The following LRMDA variants were observed in gnomAD, a reference collection of about 807,000 sequenced individuals.
LRMDA encodes leucine-rich melanocyte differentiation-associated protein.
A neutral mutation model predicts 29.8 loss-of-function variants in LRMDA; 18 were observed. The observed-to-expected ratio is 0.60, with a 90% CI of 0.42 to 0.90. The LOEUF (loss-of-function observed/expected upper bound fraction) is 0.90, where lower values mean the gene tolerates loss of function less well. Among genes scored for constraint, LRMDA ranks in the 40% least tolerant of loss-of-function variants. The pLI, the probability that LRMDA is intolerant of heterozygous loss-of-function variation, is 0.00. For missense variants in LRMDA, 273 were observed against 273.9 expected (o/e 1.00, Z 0.02); for synonymous variants, 125 against 109.4 (o/e 1.14, Z -0.89).
At chr10:76,316,750 T>C (rs1299133229) in intron 5 of LRMDA, among the ~76,000 whole-genome samples, 1 of 152,250 alleles carries the variant, frequency 6.6e-6, no homozygotes, top group Non-Finnish European at 1.5e-5. Context: ...TTATGTTCTA[T>C]GTTTGAATAT....
At chr10:75,757,208 C>T (rs975811675) in intron 2 of LRMDA, among the ~76,000 whole-genome samples, 2 of 152,186 alleles carry the variant, frequency 1.3e-5, no homozygotes, top group Non-Finnish European at 2.9e-5. Context: ...CTCCTTTATC[C>T]TTCTGCTACC....
intron 2 of LRMDA, among the ~76,000 whole-genome samples, chr10:75,708,706 C>T (rs1290763339): frequency 6.6e-6 from 1 of 152,014 alleles, no homozygotes; most frequent in Admixed American, 6.6e-5. Flanking sequence ...GATCAGTCAC[C>T]CAGGGCCTTG....
chr10:76,027,106 G>C (rs1014764174), intron 2 of LRMDA, among the ~76,000 whole-genome samples: 7 of 152,154 alleles, frequency 4.6e-5, no homozygotes, highest in African/African-American at 1.7e-4. Context: ...CTCAATCACT[G>C]TTTCTTACAC....
intron 2 of LRMDA, among the ~76,000 whole-genome samples, chr10:75,819,188 TTGTC>T (rs1204221350): frequency 6.6e-6 from 1 of 152,132 alleles, no homozygotes; most frequent in Non-Finnish European, 1.5e-5. Flanking sequence ...AAACAAACCT[TTGTC>T]TGTGGGAGGA....
At chr10:75,711,285 G>A (rs1414004981) in intron 2 of LRMDA, among the ~76,000 whole-genome samples, 1 of 152,166 alleles carries the variant, frequency 6.6e-6, no homozygotes, top group Admixed American at 6.5e-5. Flanking sequence ...TAGCAGTGGT[G>A]TGGTTTGGGG....
At chr10:76,385,902 G>T (rs1000916434) in intron 6 of LRMDA, among the ~76,000 whole-genome samples, 4 of 152,132 alleles carry the variant, frequency 2.6e-5, no homozygotes, top group African/African-American at 9.7e-5. Context: ...CATAGTAAAT[G>T]CTCAATAAAT....
At chr10:75,685,998 A>G (rs1321499103) in intron 2 of LRMDA, among the ~76,000 whole-genome samples, 1 of 152,188 alleles carries the variant, frequency 6.6e-6, no homozygotes, top group African/African-American at 2.4e-5. Context: ...ACAGATAAGG[A>G]CTTTGAGGCA....
At chr10:75,476,230 T>TA (rs1478082969) in intron 2 of LRMDA, among the ~76,000 whole-genome samples, 1 of 152,182 alleles carries the variant, frequency 6.6e-6, no homozygotes, top group Non-Finnish European at 1.5e-5. Context: ...GTTAATTTTT[T>TA]AAAAAATCAT....
intron 2 of LRMDA, among the ~76,000 whole-genome samples, chr10:75,675,171 A>G (rs1400236313): frequency 6.6e-6 from 1 of 152,204 alleles, no homozygotes; most frequent in Non-Finnish European, 1.5e-5. Context: ...ATTTATGGGC[A>G]TGGCTGATAC....
chr10:76,032,027 G>A (rs1357741126), intron 2 of LRMDA, among the ~76,000 whole-genome samples: 2 of 152,206 alleles, frequency 1.3e-5, no homozygotes, highest in African/African-American at 4.8e-5. Context: ...GGTTCTGGAA[G>A]TATCCTCTGG....
At chr10:76,189,765 G>A (rs1289840345) in intron 5 of LRMDA, among the ~76,000 whole-genome samples, 1 of 152,172 alleles carries the variant, frequency 6.6e-6, no homozygotes, top group Non-Finnish European at 1.5e-5. Flanking sequence ...ATACAGCTGG[G>A]AGCCTAGATC....
chr10:76,274,371 C>T (rs1472086581), intron 5 of LRMDA, among the ~76,000 whole-genome samples: 1 of 152,150 alleles, frequency 6.6e-6, no homozygotes, highest in East Asian at 1.9e-4. Flanking sequence ...GGGGCACAAT[C>T]TATGCATATT....
At chr10:76,230,699 A>G (rs1459317221) in intron 5 of LRMDA, among the ~76,000 whole-genome samples, 11 of 152,194 alleles carry the variant, frequency 7.2e-5, no homozygotes, top group Admixed American at 6.5e-4. Flanking sequence ...TATAATTAAA[A>G]GCACATAATG....
chr10:75,452,246 T>C (rs1844469755), intron 2 of LRMDA, among the ~76,000 whole-genome samples: 1 of 152,192 alleles, frequency 6.6e-6, no homozygotes. Flanking sequence ...AAAGTTTTTG[T>C]TGGCGTCTCG....
intron 4 of LRMDA, among the ~76,000 whole-genome samples, chr10:76,047,568 C>T (rs1564638628): frequency 6.6e-6 from 1 of 152,174 alleles, no homozygotes; most frequent in Non-Finnish European, 1.5e-5. Flanking sequence ...TTCCAAGTTA[C>T]ATGGACTTGT....
At chr10:76,106,734 T>C (rs1436341123) in intron 5 of LRMDA, among the ~76,000 whole-genome samples, 1 of 152,214 alleles carries the variant, frequency 6.6e-6, no homozygotes, top group Non-Finnish European at 1.5e-5. Context: ...GTAGTGCGTC[T>C]TCCAAATGTC....
chr10:75,933,120 A>AG (rs748311581), intron 2 of LRMDA, among the ~76,000 whole-genome samples: 1 of 152,164 alleles, frequency 6.6e-6, no homozygotes, highest in Non-Finnish European at 1.5e-5. Context: ...CATTTCTGAC[A>AG]GTGGGTCTGA....
chr10:76,203,845 C>G (rs1250854147), intron 5 of LRMDA, among the ~76,000 whole-genome samples: 5 of 148,062 alleles, frequency 3.4e-5, no homozygotes, highest in Admixed American at 3.4e-4. Context: ...ATGTGTCTGT[C>G]CACCCATTTC....
intron 6 of LRMDA, among the ~76,000 whole-genome samples, chr10:76,552,941 A>G (rs933582856): frequency 6.6e-6 from 1 of 152,200 alleles, no homozygotes; most frequent in African/African-American, 2.4e-5. Flanking sequence ...CCACTTAGGC[A>G]GCCCCAAGGT....
Sources: gnomAD v4.1 joint callset for allele counts (sites outside exome capture counted in the v4.1 genomes callset) on GRCh38, gnomAD v4.1.1 for gene constraint, MANE v1.5 for transcripts, NCBI Gene and HGNC (gene_info 2026-07-23, HGNC 2026-07-21) for gene names.